The following PLCB4 variants were observed in gnomAD, a reference collection of about 807,000 sequenced individuals.
PLCB4 encodes phospholipase C beta 4.
Under a neutral mutation model 178.8 loss-of-function variants are expected in PLCB4, and 77 were observed. That is an observed-to-expected ratio of 0.43 (90% CI 0.36 to 0.52). PLCB4 has a LOEUF of 0.52. PLCB4 is among the 20% of genes least tolerant of loss of function. The probability of loss-of-function intolerance (pLI) is 0.00; values close to 1 mark genes in which losing one functional copy is unlikely to be tolerated. For synonymous variants in PLCB4, 496 were observed against 490.8 expected, an observed-to-expected ratio of 1.01 and a Z score of -0.14; for missense variants, 1,024 against 1,453.4, an observed-to-expected ratio of 0.70 and a Z score of 4.80.
chr20:9,256,175 T>C (rs966640469), intron 3 of PLCB4, among the ~76,000 whole-genome samples: 1 of 152,128 alleles, frequency 6.6e-6, no homozygotes, highest in Non-Finnish European at 1.5e-5. Flanking sequence ...CAGCAAAGCA[T>C]TGGAACACAT....
chr20:9,221,684 G>T (rs2093800695), intron 3 of PLCB4, among the ~76,000 whole-genome samples: 1 of 152,226 alleles, frequency 6.6e-6, no homozygotes. Flanking sequence ...TGCAGTGTTG[G>T]GAGACACCTA....
intron 1 of PLCB4, among the ~76,000 whole-genome samples, chr20:9,086,782 G>A (rs1284872319): frequency 2.0e-5 from 3 of 152,196 alleles, no homozygotes; most frequent in Non-Finnish European, 4.4e-5. Context: ...GTTTCGAAAA[G>A]GAAATTGGGA....
intron 7 of PLCB4, among the ~76,000 whole-genome samples, chr20:9,340,486 C>A (rs537471615): frequency 6.6e-6 from 1 of 152,100 alleles, no homozygotes; most frequent in African/African-American, 2.4e-5. Context: ...GAAGTGGATG[C>A]TCGATGTCAC....
chr20:9,191,829 T>C (rs2093408280), intron 2 of PLCB4, among the ~76,000 whole-genome samples: 1 of 151,918 alleles, frequency 6.6e-6, no homozygotes, highest in Non-Finnish European at 1.5e-5. Context: ...AATATATTTC[T>C]ATAGGTCTGC....
At chr20:9,339,517 T>C (rs1007364770) in intron 7 of PLCB4, among the ~76,000 whole-genome samples, 3 of 152,178 alleles carry the variant, frequency 2.0e-5, no homozygotes, top group African/African-American at 7.2e-5. Context: ...GTTTTAAAAG[T>C]AAAAAGATAC....
At chr20:9,274,482 C>G (rs1376453986) in intron 3 of PLCB4, among the ~76,000 whole-genome samples, 1 of 152,008 alleles carries the variant, frequency 6.6e-6, no homozygotes, top group Non-Finnish European at 1.5e-5. Context: ...CTGACTTTTA[C>G]CCCCCAAATT....
At chr20:9,282,817 C>T (rs1475591089) in intron 3 of PLCB4, among the ~76,000 whole-genome samples, 1 of 151,976 alleles carries the variant, frequency 6.6e-6, no homozygotes, top group South Asian at 2.1e-4. Flanking sequence ...TTATTTGGGG[C>T]CTCAGCCAGG....
At chr20:9,411,005 C>G in intron 24 of PLCB4, 32 bp from the exon 25 acceptor site, 1 of 1,565,406 alleles carries the variant, frequency 6.4e-7, no homozygotes, top group Non-Finnish European at 8.8e-7. Flanking sequence ...TCTAGGAAGA[C>G]AAGATGCTAA....
intron 1 of PLCB4, among the ~76,000 whole-genome samples, chr20:9,090,498 C>A (rs897744789): frequency 6.9e-6 from 1 of 144,292 alleles, no homozygotes; most frequent in Non-Finnish European, 1.5e-5. Context: ...TGGCTTCTAA[C>A]ACATTTTTAG....
intron 1 of PLCB4, among the ~76,000 whole-genome samples, chr20:9,082,123 T>A (rs963663769): frequency 1.3e-5 from 2 of 152,180 alleles, no homozygotes; most frequent in Admixed American, 1.3e-4. Context: ...AAAAAATTTC[T>A]TATTTCAAAC....
At chr20:9,421,679 G>T (rs1463857066) in intron 27 of PLCB4, among the ~76,000 whole-genome samples, 1 of 152,140 alleles carries the variant, frequency 6.6e-6, no homozygotes, top group Non-Finnish European at 1.5e-5. Flanking sequence ...CCCATCTCCT[G>T]CACAGCAGTG....
intron 3 of PLCB4, among the ~76,000 whole-genome samples, chr20:9,224,110 C>T (rs1001475449): frequency 2.0e-5 from 3 of 152,182 alleles, no homozygotes; most frequent in Non-Finnish European, 4.4e-5. Flanking sequence ...CTTATGAGTT[C>T]AACTCTCAGA....
intron 3 of PLCB4, among the ~76,000 whole-genome samples, chr20:9,249,243 TA>T (rs889388866): frequency 4.6e-5 from 7 of 152,214 alleles, no homozygotes; most frequent in African/African-American, 1.7e-4. Flanking sequence ...TATTATACTT[TA>T]AGTTTTAGGG....
intron 2 of PLCB4, among the ~76,000 whole-genome samples, chr20:9,125,767 A>G (rs1189248107): frequency 3.9e-5 from 6 of 152,208 alleles, no homozygotes; most frequent in African/African-American, 1.2e-4. Flanking sequence ...GTCTGTCTCT[A>G]TATGCGTATA....
intron 21 of PLCB4, among the ~76,000 whole-genome samples, chr20:9,406,178 A>T (rs1387009763): frequency 1.3e-5 from 2 of 152,100 alleles, no homozygotes; most frequent in Non-Finnish European, 2.9e-5. Context: ...CAATCTTCTC[A>T]TGTGGTCAGT....
chr20:9,306,781 A>C (rs1181474172), intron 3 of PLCB4, among the ~76,000 whole-genome samples: 2 of 152,334 alleles, frequency 1.3e-5, no homozygotes, highest in Admixed American at 1.3e-4. Flanking sequence ...GTTGCCAACA[A>C]GGATGGGTAA....
chr20:9,188,235 A>T (rs545478399), intron 2 of PLCB4, among the ~76,000 whole-genome samples: 1 of 152,244 alleles, frequency 6.6e-6, no homozygotes, highest in South Asian at 2.1e-4. Flanking sequence ...GGGAAATTGT[A>T]ATTTAAAATA....
chr20:9,424,548 G>T (rs1347247824), intron 28 of PLCB4, among the ~76,000 whole-genome samples: 1 of 152,116 alleles, frequency 6.6e-6, no homozygotes, highest in Admixed American at 6.5e-5. Context: ...CCTCTATATT[G>T]TCAGCCTGTT....
Position 9,233,943 on chromosome 20 carries a change from T to C in PLCB4, c.-16+16491T>C, listed in dbSNP as rs146228640. On this transcript the variant is annotated intron_variant, in intron 3 of 39. Coordinates refer to ENST00000378473, the MANE Select transcript of PLCB4 (RefSeq NM_001377142.1). Reference sequence around the variant, plus strand: ...TGCAGTGGAAAATGAATTGGGAGTGTACAGTTGGGGATAAACTGGAAGCAG... The same window carrying C: ...TGCAGTGGAAAATGAATTGGGAGTGCACAGTTGGGGATAAACTGGAAGCAG... 1.6e-3 allele frequency among the ~76,000 whole-genome samples: 236 copies of C among 152,250 alleles called. 1 individual carries two copies. The highest frequency in any genetic ancestry group is 5.4e-3 in the African/African-American group (223 of 41,560).
Sources: allele counts gnomAD v4.1 joint callset (sites outside exome capture counted in the v4.1 genomes callset), GRCh38; gene constraint gnomAD v4.1.1; transcripts MANE v1.5; gene names NCBI Gene and HGNC (gene_info 2026-07-23, HGNC 2026-07-21).